The following HMG20A variants were observed in gnomAD, a reference collection of about 807,000 sequenced individuals.
HMG20A encodes the protein high mobility group 20A.
In HMG20A, 17 loss-of-function variants were observed where a neutral mutation model predicts 43.9. That is an observed-to-expected ratio of 0.39 (90% confidence interval 0.27 to 0.58). HMG20A has a LOEUF of 0.58. HMG20A is among the 20% of genes least tolerant of loss of function. HMG20A has a pLI of 0.59. For synonymous variants in HMG20A, 132 were observed against 147.5 expected, an observed-to-expected ratio of 0.89 and a Z score of 0.76; for missense variants, 341 against 438.2, an observed-to-expected ratio of 0.78 and a Z score of 1.98.
chr15:77,439,208 A>G (rs2073583603), intron 1 of HMG20A, among the ~76,000 whole-genome samples: 1 of 152,202 alleles, frequency 6.6e-6, no homozygotes, highest in African/African-American at 2.4e-5. Flanking sequence ...TGGTTGTATG[A>G]TTGGACTCAG....
At chr15:77,467,723 C>T (rs991852743) in intron 4 of HMG20A, among the ~76,000 whole-genome samples, 34 of 152,252 alleles carry the variant, frequency 2.2e-4, no homozygotes, top group African/African-American at 8.2e-4. Context: ...TGCTTTAATA[C>T]TTTTTTTAAC....
chr15:77,497,971 A>G, the HMG20A span, among the ~76,000 whole-genome samples: 2 of 152,074 alleles, frequency 1.3e-5, no homozygotes, highest in South Asian at 2.1e-4. Context: ...CAGTCCTGAC[A>G]AGGTCAACAA....
chr15:77,504,369 C>A, the HMG20A span, among the ~76,000 whole-genome samples: 1 of 152,236 alleles, frequency 6.6e-6, no homozygotes, highest in Non-Finnish European at 1.5e-5. Context: ...GAGTACCAAG[C>A]TGCAGTCTGG....
At chr15:77,456,737 A>G (rs1331044560) in intron 1 of HMG20A, among the ~76,000 whole-genome samples, 3 of 152,160 alleles carry the variant, frequency 2.0e-5, no homozygotes, top group Non-Finnish European at 4.4e-5. Flanking sequence ...GGTATCTAAC[A>G]GATATTACAG....
At chr15:77,479,562 C>G (rs896346306) in intron 9 of HMG20A, 2 of 381,656 alleles carry the variant, frequency 5.2e-6, no homozygotes. Context: ...CAGTTCAAGT[C>G]CAGAGAGATC....
At position 77,427,838 on chromosome 15, in the gene HMG20A, A is replaced by G. The variant is rs143340885; in HGVS notation, c.-5+6834A>G. ...TATGTAGTATTGTGCTAGGCACTAC[A>G]TGTTATCTTAATTCTAATAATTTGG... On this transcript the variant is annotated intron_variant, in intron 1 of 9. Transcript: ENST00000336216. Among the ~76,000 whole-genome samples, 55 of 152,362 alleles carry G rather than the reference A, an allele frequency of 3.6e-4. No individual in the cohort carries two copies. In the East Asian group the frequency reaches 0.01, roughly 29 times the overall value.
rs143097381 is a variant in HMG20A, at chr15:77,479,206, C to T, written c.935C>T (p.Thr312Ile). The T allele has an allele frequency of 6.2e-7, 1 of 1,613,774 alleles. No homozygotes were observed. The highest frequency in any genetic ancestry group is 1.7e-5 in the Admixed American group (1 of 60,022). ...AGTGGAGAGACACCTACAGTGGACACCATTGACTCATATATGAACAGACTG... is the reference window on the plus strand; with the variant it reads ...AGTGGAGAGACACCTACAGTGGACATCATTGACTCATATATGAACAGACTG... ...PGSGETPTVD[T>I]IDSYMNRLHS... is the part of the protein sequence containing the mutation. Residue 312 changes from threonine (T) to isoleucine (I), a missense_variant, in exon 9 of 10, where the codon ACC becomes ATC. This residue lies in a region of HMG20A where 118 missense variants were observed against 154.5 expected (regional missense o/e 0.76). Transcript: ENST00000336216.
At chr15:77,431,018 A>G (rs544352144) in intron 1 of HMG20A, among the ~76,000 whole-genome samples, 2 of 152,302 alleles carry the variant, frequency 1.3e-5, no homozygotes, top group East Asian at 1.9e-4. Flanking sequence ...TACAAGGAGT[A>G]CCACACTTTC....
chr15:77,456,634 CAAAAAAAA>C (rs34114445), intron 1 of HMG20A, among the ~76,000 whole-genome samples: 1 of 95,386 alleles, frequency 1.0e-5, no homozygotes, highest in African/African-American at 4.1e-5. Flanking sequence ...GCGAGACTGT[CAAAAAAAA>C]AAAAAAAAAA....
the HMG20A span, among the ~76,000 whole-genome samples, chr15:77,509,555 CGTGTGTGTGTGTGT>C: frequency 0.031 from 3,522 of 115,448 alleles, 72 homozygotes; most frequent in Middle Eastern, 0.059. Context: ...TGTGCCCAGC[CGTGTGTGTGTGTGT>C]GTGTGTGTGT....
chr15:77,514,517 T>G, the HMG20A span, among the ~76,000 whole-genome samples: 1 of 152,188 alleles, frequency 6.6e-6, no homozygotes, highest in Admixed American at 6.5e-5. Flanking sequence ...GTTTACTCTA[T>G]AAAAGTTACA....
In HMG20A at chr15:77,485,290, C is replaced by T. The variant is rs7119; in HGVS notation, c.*2327C>T. Reference sequence around the variant, plus strand: ...AGTTACAGGCTAGCACAATACCTAACTCATGTTTCCCAGTACACCTGTAGA... The same window carrying T: ...AGTTACAGGCTAGCACAATACCTAATTCATGTTTCCCAGTACACCTGTAGA... On this transcript the variant is annotated 3_prime_UTR_variant, in exon 10 of 10. Transcript: ENST00000336216. 64,110 of 152,494 alleles carry T rather than the reference C, an allele frequency of 0.42. 13,643 individuals carry two copies. Among genetic ancestry groups the T allele is most frequent in the African/African-American group, 0.47 (19,355 of 41,460 alleles). The allele number at this position is 152,494 out of a possible 1,614,324, so 9.4% of individuals were successfully genotyped here.
chr15:77,497,838 ATTT>A, the HMG20A span, among the ~76,000 whole-genome samples: 1 of 142,602 alleles, frequency 7.0e-6, no homozygotes. Flanking sequence ...AAGATTTTTA[ATTT>A]TTTTTTTTTT....
intron 3 of HMG20A, 71 bp from the exon 4 acceptor site, chr15:77,467,023 TG>T: frequency 8.0e-7 from 1 of 1,257,606 alleles, no homozygotes; most frequent in South Asian, 1.3e-5. Flanking sequence ...TGTTTGTTTT[TG>T]TTGTTGTTGG....
Position 77,464,320 on chromosome 15 carries a change from A to G in HMG20A, c.170A>G (p.Gln57Arg). ...CCAGAATTTGTGGAGGATCTCTCTCAAGGTCAGTTGCTTCAGAGTGAGTCT... is the reference window on the plus strand; with the variant it reads ...CCAGAATTTGTGGAGGATCTCTCTCGAGGTCAGTTGCTTCAGAGTGAGTCT... ...NNPEFVEDLS[Q>R]GQLLQSESSN... is the part of the protein sequence containing the mutation. The change falls in exon 3 of 10, where the codon CAA (glutamine) becomes CGA (arginine). Residue 57 changes from glutamine (Q) to arginine (R), a missense_variant. Transcript: ENST00000336216. 6.2e-7 allele frequency: 1 copy of G among 1,613,896 alleles called. No individual in the cohort carries two copies. Among genetic ancestry groups the G allele is most frequent in the Non-Finnish European group, 8.5e-7 (1 of 1,179,838 alleles).
At chr15:77,440,486 A>G (rs539258685) in intron 1 of HMG20A, among the ~76,000 whole-genome samples, 1 of 152,302 alleles carries the variant, frequency 6.6e-6, no homozygotes, top group East Asian at 1.9e-4. Flanking sequence ...AGGATAGGCT[A>G]GGTTATTGCT....
intron 1 of HMG20A, among the ~76,000 whole-genome samples, chr15:77,441,673 T>C (rs1041779553): frequency 1.4e-4 from 21 of 152,184 alleles, no homozygotes; most frequent in Non-Finnish European, 7.4e-5. Flanking sequence ...TATCATCCTT[T>C]ATCAAATATT....
At chr15:77,435,634 C>G (rs926314537) in intron 1 of HMG20A, among the ~76,000 whole-genome samples, 1 of 152,144 alleles carries the variant, frequency 6.6e-6, no homozygotes, top group African/African-American at 2.4e-5. Context: ...CCTCCACTCC[C>G]TCAATGACTT....
intron 1 of HMG20A, among the ~76,000 whole-genome samples, chr15:77,434,944 A>G (rs185293114): frequency 6.6e-5 from 10 of 152,328 alleles, no homozygotes; most frequent in Admixed American, 4.6e-4. Context: ...TGTTCATAGT[A>G]GCATCATTCT....
Sources: gnomAD v4.1 joint callset for allele counts (sites outside exome capture counted in the v4.1 genomes callset) on GRCh38, gnomAD v4.1.1 for gene constraint, gnomAD v4.1.1 regional missense constraint, MANE v1.5 for transcripts, NCBI Gene and HGNC (gene_info 2026-07-23, HGNC 2026-07-21) for gene names.